The following CDH12 variants were observed in gnomAD, a reference collection of about 807,000 sequenced individuals.
CDH12 encodes the protein cadherin 12, also known as cadherin-12.
A neutral mutation model predicts 74.1 loss-of-function variants in CDH12; 41 were observed. The ratio of observed to expected loss-of-function variants is 0.55; its 90% CI spans 0.43 to 0.72. The LOEUF (loss-of-function observed/expected upper bound fraction) is 0.72. Ranked by LOEUF, CDH12 falls within the 30% of genes least tolerant of loss-of-function variation. CDH12 has a pLI of 0.00. For missense variants in CDH12, 945 were observed against 977.2 expected (o/e 0.97, Z 0.44); for synonymous variants, 399 against 355.0 (o/e 1.12, Z -1.39).
chr5:21,884,364 G>A, intron 6 of CDH12: 1 of 996,754 alleles, frequency 1.0e-6, no homozygotes, highest in South Asian at 1.3e-5. Flanking sequence ...GGAAGCCCAA[G>A]GCAGTGTTCC....
chr5:22,490,779 T>C (rs560865261), intron 2 of CDH12, among the ~76,000 whole-genome samples: 1 of 152,238 alleles, frequency 6.6e-6, no homozygotes, highest in African/African-American at 2.4e-5. Flanking sequence ...CTTTTTATAG[T>C]GAAAATGTAG....
At chr5:22,140,232 T>C (rs1746708281) in intron 4 of CDH12, among the ~76,000 whole-genome samples, 2 of 151,996 alleles carry the variant, frequency 1.3e-5, no homozygotes, top group African/African-American at 4.8e-5. Context: ...TACCTAAGTG[T>C]GATGATTTCT....
At chr5:22,839,038 T>C (rs1427256690) in intron 1 of CDH12, among the ~76,000 whole-genome samples, 1 of 152,178 alleles carries the variant, frequency 6.6e-6, no homozygotes, top group Non-Finnish European at 1.5e-5. Context: ...TTTTTGTTGT[T>C]GGTAGTGTCG....
intron 3 of CDH12, among the ~76,000 whole-genome samples, chr5:22,260,662 A>G (rs1753472066): frequency 6.6e-6 from 1 of 152,006 alleles, no homozygotes; most frequent in Non-Finnish European, 1.5e-5. Flanking sequence ...ATTTTCGGAG[A>G]TTAGATTTAA....
At chr5:21,813,790 CTTTT>C (rs563715673) in intron 9 of CDH12, among the ~76,000 whole-genome samples, 3 of 152,128 alleles carry the variant, frequency 2.0e-5, no homozygotes, top group African/African-American at 7.2e-5. Context: ...ATACAGAAGT[CTTTT>C]TTTATTTTTC....
intron 1 of CDH12, among the ~76,000 whole-genome samples, chr5:22,686,341 T>C (rs1741796739): frequency 6.6e-6 from 1 of 152,206 alleles, no homozygotes; most frequent in African/African-American, 2.4e-5. Context: ...GTCTTTCACT[T>C]TAGGGATGAT....
intron 5 of CDH12, among the ~76,000 whole-genome samples, chr5:22,064,090 G>T (rs1741393082): frequency 6.6e-6 from 1 of 151,882 alleles, no homozygotes; most frequent in Non-Finnish European, 1.5e-5. Context: ...ACTTATATGT[G>T]GAAATGTTCA....
intron 6 of CDH12, among the ~76,000 whole-genome samples, chr5:21,974,119 C>T (rs542453737): frequency 3.3e-5 from 5 of 152,272 alleles, no homozygotes; most frequent in Admixed American, 3.3e-4. Context: ...CTCAGGGTAG[C>T]GTGCACAATC....
intron 3 of CDH12, among the ~76,000 whole-genome samples, chr5:22,393,328 T>C (rs1170575171): frequency 1.3e-5 from 2 of 152,160 alleles, no homozygotes; most frequent in Non-Finnish European, 2.9e-5. Flanking sequence ...AGAAACTTTA[T>C]ATGGCAAGGT....
chr5:21,964,138 A>T (rs1309439611), intron 6 of CDH12, among the ~76,000 whole-genome samples: 2 of 152,056 alleles, frequency 1.3e-5, no homozygotes. Flanking sequence ...TAGGTGACTT[A>T]TTAGGAAAAA....
At chr5:22,364,732 A>G (rs190357816) in intron 3 of CDH12, among the ~76,000 whole-genome samples, 4 of 152,306 alleles carry the variant, frequency 2.6e-5, no homozygotes, top group East Asian at 3.9e-4. Flanking sequence ...AAATGCACCA[A>G]TGTTACCTTA....
chr5:22,580,260 TA>T, intron 1 of CDH12: 1 of 356,100 alleles, frequency 2.8e-6, no homozygotes, highest in African/African-American at 2.1e-5. Flanking sequence ...ATGTCTCAGA[TA>T]ATCATTCAAA....
chr5:21,899,776 TCTAG>T (rs1212535137), intron 6 of CDH12, among the ~76,000 whole-genome samples: 1 of 143,804 alleles, frequency 7.0e-6, no homozygotes, highest in Non-Finnish European at 1.6e-5. Context: ...ATAACATTCT[TCTAG>T]CTTTTTTGAA....
In CDH12 at chr5:22,332,860, T is replaced by A. The variant is rs1483920306; in HGVS notation, c.-333+72397A>T. Among the ~76,000 whole-genome samples, 4 of 152,168 alleles carry A rather than the reference T, an allele frequency of 2.6e-5. No individual in the cohort carries two copies. The East Asian group carries it at 7.7e-4, about 29-fold the overall frequency. The stretch of plus-strand genomic sequence containing the variant: ...TGGAGAAATAGGAACGCTTTTACAC[T>A]GTTGGTGGGAGTGTAAATTAGTTCA... On this transcript the variant is annotated intron_variant, in intron 3 of 14. Transcript: ENST00000382254.
chr5:22,100,021 G>A (rs140283403), intron 4 of CDH12, among the ~76,000 whole-genome samples: 12,023 of 152,034 alleles, frequency 0.079, 551 homozygotes, highest in South Asian at 0.12. Flanking sequence ...AATGCCGCTC[G>A]AAGCAGCCCT....
At chr5:21,872,066 A>C (rs769209723) in intron 6 of CDH12, among the ~76,000 whole-genome samples, 3 of 152,198 alleles carry the variant, frequency 2.0e-5, no homozygotes, top group Non-Finnish European at 2.9e-5. Flanking sequence ...ACATGTCATA[A>C]AAATCCCCCA....
intron 6 of CDH12, among the ~76,000 whole-genome samples, chr5:21,902,521 T>C (rs1227313217): frequency 6.6e-6 from 1 of 152,022 alleles, no homozygotes; most frequent in East Asian, 1.9e-4. Context: ...ATGTCCATTA[T>C]ATCTGAGAAG....
chr5:22,356,862 T>C (rs1441296961), intron 3 of CDH12, among the ~76,000 whole-genome samples: 1 of 152,126 alleles, frequency 6.6e-6, no homozygotes, highest in African/African-American at 2.4e-5. Flanking sequence ...ACTGATGGTC[T>C]GAGAAAAAAG....
At chr5:21,774,759 A>G (rs1745497001) in intron 11 of CDH12, among the ~76,000 whole-genome samples, 1 of 152,230 alleles carries the variant, frequency 6.6e-6, no homozygotes, top group South Asian at 2.1e-4. Flanking sequence ...ATAAGAGGAA[A>G]GCAATAATTT....
Sources: gnomAD v4.1 joint callset for allele counts (sites outside exome capture counted in the v4.1 genomes callset) on GRCh38, gnomAD v4.1.1 for gene constraint, MANE v1.5 for transcripts, NCBI Gene and HGNC (gene_info 2026-07-23, HGNC 2026-07-21) for gene names.